PZP: variants seen among roughly 807,000 people sequenced by gnomAD.
PZP encodes the protein pregnancy zone protein.
A neutral mutation model predicts 179.8 loss-of-function variants in PZP; 150 were observed. The ratio of observed to expected loss-of-function variants is 0.83; its 90% CI spans 0.73 to 0.96. The LOEUF is 0.96. Among genes scored for constraint, PZP ranks in the 40% least tolerant of loss-of-function variants. The pLI, the probability that PZP is intolerant of heterozygous loss-of-function variation, is 0.00. For synonymous variants in PZP, 624 were observed against 652.3 expected, an observed-to-expected ratio of 0.96 and a Z score of 0.66; for missense variants, 1,689 against 1,764.0, an observed-to-expected ratio of 0.96 and a Z score of 0.76.
At position 9,181,967 on chromosome 12, in the gene PZP, T is replaced by C. The variant is rs1942789362; in HGVS notation, c.1689+8A>G. Reference sequence around the variant, plus strand: ...TGTGTTCTTTTAATTTTATGTTAAATCGCTCACCTTGTTGGCTAGACAGTT... The same window carrying C: ...TGTGTTCTTTTAATTTTATGTTAAACCGCTCACCTTGTTGGCTAGACAGTT... On this transcript the variant is annotated splice_region_variant and intron_variant, in intron 14 of 35. Coordinates refer to ENST00000261336, the MANE Select transcript of PZP (RefSeq NM_002864.3). The C allele has an allele frequency of 6.2e-7, 1 of 1,612,430 alleles. No homozygotes were observed. The highest frequency in any genetic ancestry group is 2.2e-5 in the East Asian group (1 of 44,850).
intron 29 of PZP, among the ~76,000 whole-genome samples, chr12:9,153,724 C>T (rs1042966426): frequency 6.6e-5 from 10 of 152,134 alleles, no homozygotes; most frequent in African/African-American, 2.4e-4. Context: ...TGGTATGAGA[C>T]AAGTTGCACT....
chr12:9,172,349 G>A (rs909091182), intron 15 of PZP, among the ~76,000 whole-genome samples: 3 of 152,092 alleles, frequency 2.0e-5, no homozygotes, highest in Admixed American at 6.5e-5. Context: ...AAAGCACTAC[G>A]TTTGGAAAAG....
intron 4 of PZP, among the ~76,000 whole-genome samples, chr12:9,202,003 T>A (rs1944189131): frequency 6.6e-6 from 1 of 152,218 alleles, no homozygotes; most frequent in Non-Finnish European, 1.5e-5. Flanking sequence ...GCTTTTTTAA[T>A]CATAAATTCC....
intron 1 of PZP, among the ~76,000 whole-genome samples, chr12:9,204,363 A>G (rs1944342849): frequency 6.6e-6 from 1 of 152,216 alleles, no homozygotes; most frequent in Admixed American, 6.5e-5. Context: ...TGTAAAAAGG[A>G]CTTACATTAA....
chr12:9,192,788 C>T, intron 11 of PZP, 49 bp from the exon 12 acceptor site: 1 of 1,321,744 alleles, frequency 7.6e-7, no homozygotes, highest in Non-Finnish European at 1.1e-6. Context: ...AAATTCTTCA[C>T]CTTAGCTTCT....
Position 9,152,908 on chromosome 12 carries a change from G to C in PZP, c.4037C>G (p.Pro1346Arg). 3.7e-6 allele frequency: 6 copies of C among 1,614,066 alleles called. No homozygotes were observed. Among genetic ancestry groups the C allele is most frequent in the Non-Finnish European group, 5.1e-6 (6 of 1,179,980 alleles). Reference protein sequence around the residue: ...YNILPEKEDSPFALKVQTVPQ... With the variant: ...YNILPEKEDSRFALKVQTVPQ... ...CACAGTCTGCACTTTTAAAGCAAAT[G>C]GGGAGTCCTCTTTCTCTGGAAGAAT... is the stretch of plus-strand genomic sequence containing the variant. Residue 1346 changes from proline (P) to arginine (R), a missense_variant, in exon 31 of 36, where the codon CCA becomes CGA. Coordinates refer to ENST00000261336, the MANE Select transcript of PZP (RefSeq NM_002864.3).
At chr12:9,143,779 C>G in the PZP span, among the ~76,000 whole-genome samples, 1 of 152,150 alleles carries the variant, frequency 6.6e-6, no homozygotes, top group Non-Finnish European at 1.5e-5. Flanking sequence ...TTTATGCTTC[C>G]CATAAGCCAA....
Position 9,153,116 on chromosome 12 carries a change from G to T in PZP, c.3993+9C>A. 6.2e-7 allele frequency: 1 copy of T among 1,613,544 alleles called. No homozygotes were observed. Among genetic ancestry groups the T allele is most frequent in the South Asian group, 1.1e-5 (1 of 91,044 alleles). On this transcript the variant is annotated intron_variant, in intron 30 of 35. Transcript: ENST00000261336. ...GTTGACTCTCACCCATATAAGCTTG[G>T]AGCCCTACCTGAAGATACACACATC...
Position 9,206,783 on chromosome 12 carries a change from T to C in PZP, c.83+1476A>G, listed in dbSNP as rs145982494. 2.5e-3 allele frequency among the ~76,000 whole-genome samples: 373 copies of C among 152,228 alleles called. 2 individuals carry two copies. Among genetic ancestry groups the C allele is most frequent in the African/African-American group, 8.4e-3 (349 of 41,542 alleles). On this transcript the variant is annotated intron_variant, in intron 1 of 35. Coordinates refer to ENST00000261336, the MANE Select transcript of PZP (RefSeq NM_002864.3). ...ATGAGGCTTGTTGTTCTTTGTTCAG[T>C]GGCAGACACAACGTAAAAGGATGGT...
Position 9,152,289 on chromosome 12 carries a change from A to G in PZP, c.4143T>C (p.Ala1381=), listed in dbSNP as rs144601092. 10 of 1,613,486 alleles carry G rather than the reference A, an allele frequency of 6.2e-6. No individual in the cohort carries two copies. The East Asian group carries it at 8.9e-5, about 14-fold the overall frequency. ...TTACATCAACAATCACCATATTGGA[A>G]GCAGGACGGTTTCCTGTGTAACTGT... ...LTISYTGNRP[A]SNMVIVDVKM... Residue 1381 remains alanine, a synonymous_variant, in exon 32 of 36, where the codon GCT becomes GCC. Transcript: ENST00000261336.
In PZP at chr12:9,203,957, A is replaced by T; in HGVS notation, c.84-6T>A. The T allele has an allele frequency of 6.2e-7, 1 of 1,603,486 alleles. No homozygotes were observed. The highest frequency in any genetic ancestry group is 8.5e-7 in the Non-Finnish European group (1 of 1,175,030). On this transcript the variant is annotated splice_region_variant and splice_polypyrimidine_tract_variant and intron_variant, in intron 1 of 35. Coordinates refer to ENST00000261336, the MANE Select transcript of PZP (RefSeq NM_002864.3). ...GGACCAGCACCATATACTGCCTGGGAAAGGAAGAAGTCTAAATTAGAGAAA... is the reference window on the plus strand; with the variant it reads ...GGACCAGCACCATATACTGCCTGGGTAAGGAAGAAGTCTAAATTAGAGAAA...
At chr12:9,171,748 G>A (rs1942017373) in intron 15 of PZP, among the ~76,000 whole-genome samples, 1 of 152,136 alleles carries the variant, frequency 6.6e-6, no homozygotes. Flanking sequence ...CTCAGAGCCT[G>A]AAGATTATCT....
chr12:9,149,184 T>A (rs983214297), intron 35 of PZP, among the ~76,000 whole-genome samples, 190 bp from the exon 36 acceptor site: 2 of 152,204 alleles, frequency 1.3e-5, no homozygotes, highest in African/African-American at 4.8e-5. Flanking sequence ...ATAGCCAATG[T>A]TAATAATAAG....
At chr12:9,197,976 T>C (rs1943931486) in intron 7 of PZP, among the ~76,000 whole-genome samples, 1 of 135,154 alleles carries the variant, frequency 7.4e-6, no homozygotes, top group Non-Finnish European at 1.5e-5. Context: ...TATATATTAA[T>C]ATATATTATA....
At chr12:9,143,221 T>A in the PZP span, among the ~76,000 whole-genome samples, 1 of 152,178 alleles carries the variant, frequency 6.6e-6, no homozygotes, top group African/African-American at 2.4e-5. Context: ...AGATCCAAGG[T>A]GCTGTTTAAT....
At chr12:9,194,018 A>C in intron 11 of PZP, 59 bp downstream of exon 11, 1 of 1,474,336 alleles carries the variant, frequency 6.8e-7, no homozygotes, top group African/African-American at 1.4e-5. Flanking sequence ...ATTTCTTCTG[A>C]ATATATCACT....
intron 15 of PZP, among the ~76,000 whole-genome samples, chr12:9,176,369 G>A (rs1273220417): frequency 6.6e-6 from 1 of 152,160 alleles, no homozygotes; most frequent in Non-Finnish European, 1.5e-5. Context: ...CCTAGGTGAT[G>A]GGTTGATCTG....
At chr12:9,206,513 T>C (rs1328351006) in intron 1 of PZP, among the ~76,000 whole-genome samples, 1 of 152,252 alleles carries the variant, frequency 6.6e-6, no homozygotes, top group Non-Finnish European at 1.5e-5. Context: ...AATATTTGCC[T>C]CTTTAGCAGG....
rs1347944947 is a variant in PZP at position 9,197,718 on chromosome 12, AAT to A, written c.756-597_756-596del. Among the ~76,000 whole-genome samples, 109 of 89,840 alleles carry A rather than the reference AAT, an allele frequency of 1.2e-3. 2 individuals carry two copies. The highest frequency in any genetic ancestry group is 8.9e-3 in the Middle Eastern group (1 of 112). The allele number at this position is 89,840 out of a possible 152,430, so 58.9% of individuals were successfully genotyped here. A position where few individuals can be genotyped will look rare whatever the true frequency, so the allele number is the denominator to read the frequency against. ...TATAATTATATATTATACAATACAT[AAT>A]ATATATAATTATATATTATACAATA... On this transcript the variant is annotated intron_variant, in intron 7 of 35. Coordinates refer to ENST00000261336, the MANE Select transcript of PZP (RefSeq NM_002864.3).
Sources: allele counts gnomAD v4.1 joint callset (sites outside exome capture counted in the v4.1 genomes callset), GRCh38; gene constraint gnomAD v4.1.1; transcripts MANE v1.5; gene names NCBI Gene and HGNC (gene_info 2026-07-23, HGNC 2026-07-21).